OSBPL3: variants seen among roughly 807,000 people sequenced by gnomAD.
The protein encoded by OSBPL3 is oxysterol binding protein like 3.
A neutral mutation model predicts 120.1 loss-of-function variants in OSBPL3; 65 were observed. The observed-to-expected ratio is 0.54, with a 90% CI of 0.44 to 0.67. The LOEUF (loss-of-function observed/expected upper bound fraction) is 0.67, where lower values mean the gene tolerates loss of function less well. Ranked by LOEUF, OSBPL3 falls within the 30% of genes least tolerant of loss-of-function variation. The pLI, the probability that OSBPL3 is intolerant of heterozygous loss-of-function variation, is 0.00. For missense variants in OSBPL3, 1,004 were observed against 1,082.1 expected, an observed-to-expected ratio of 0.93 and a Z score of 1.01; for synonymous variants, 416 against 402.6, an observed-to-expected ratio of 1.03 and a Z score of -0.40.
chr7:24,940,527 A>G lies in OSBPL3; in HGVS notation c.-150+39359T>C, dbSNP rs373411007. 2.4e-4 allele frequency among the ~76,000 whole-genome samples: 36 copies of G among 152,276 alleles called. No homozygotes were observed. In the East Asian group the frequency reaches 3.1e-3, roughly 13 times the overall value. On this transcript the variant is annotated intron_variant, in intron 1 of 22. Transcript: ENST00000313367. This position sits in a 1 kb window ranked among gnomAD's most constrained non-coding sequence, Gnocchi z 4.4. ...GTCTGAAGAAAAGGTTTAGTGAGAG[A>G]AAGCAGATGGGAAAGACAGGGGCCG...
At chr7:24,814,955 G>T in intron 19 of OSBPL3, 104 bp downstream of exon 19, 1 of 1,057,570 alleles carries the variant, frequency 9.5e-7, no homozygotes, top group Non-Finnish European at 1.4e-6. Flanking sequence ...TTGCCTGCTG[G>T]CATAAAGGTG....
intron 19 of OSBPL3, among the ~76,000 whole-genome samples, chr7:24,812,790 G>C (rs1185383026): frequency 6.6e-6 from 1 of 152,106 alleles, no homozygotes; most frequent in Non-Finnish European, 1.5e-5. Context: ...TCTCAGACCT[G>C]AATTAGAAAT....
rs1252124733 is a variant in OSBPL3, at chr7:24,797,503, T to C, written c.*2680A>G. ...CATTGAGGCTTTTATTATTAATACCTATGACTCAAGGAATACCAGCCTTGG... is the reference window on the plus strand; with the variant it reads ...CATTGAGGCTTTTATTATTAATACCCATGACTCAAGGAATACCAGCCTTGG... On this transcript the variant is annotated 3_prime_UTR_variant, in exon 23 of 23. Transcript: ENST00000313367. The surrounding 1 kb of genome is among the most constrained non-coding windows in gnomAD (Gnocchi z 4.8). 2 of 152,108 alleles carry C rather than the reference T, an allele frequency of 1.3e-5. No individual in the cohort carries two copies. Among genetic ancestry groups the C allele is most frequent in the Non-Finnish European group, 2.9e-5 (2 of 68,046 alleles). 9.4% of individuals were successfully genotyped at this position (152,108 alleles called of 1,614,324 possible).
intron 1 of OSBPL3, among the ~76,000 whole-genome samples, chr7:24,901,318 C>CT (rs1806988440): frequency 6.6e-6 from 1 of 151,698 alleles, no homozygotes; most frequent in African/African-American, 2.4e-5. Context: ...CGCCACTGTA[C>CT]TCCAGCCTGG....
chr7:24,874,255 G>A (rs11770911), intron 2 of OSBPL3, among the ~76,000 whole-genome samples: 35,731 of 152,062 alleles, frequency 0.23, 4,269 homozygotes, highest in Non-Finnish European at 0.25. Context: ...TGTGGGTATC[G>A]TCATTGTTAA....
intron 14 of OSBPL3, among the ~76,000 whole-genome samples, chr7:24,839,890 C>T (rs1189587835): frequency 6.9e-6 from 1 of 145,258 alleles, no homozygotes; most frequent in Non-Finnish European, 1.5e-5. Flanking sequence ...ACTCCAGAGG[C>T]TAAGGCAGGA....
At chr7:24,846,444 G>GTATT (rs1798456956) in intron 12 of OSBPL3, among the ~76,000 whole-genome samples, 1 of 152,152 alleles carries the variant, frequency 6.6e-6, no homozygotes, top group Non-Finnish European at 1.5e-5. Flanking sequence ...GTATTCAAAT[G>GTATT]CATGCCGATA....
chr7:24,828,007 C>T (rs1237682525), intron 16 of OSBPL3, among the ~76,000 whole-genome samples: 1 of 152,140 alleles, frequency 6.6e-6, no homozygotes, highest in Non-Finnish European at 1.5e-5. Flanking sequence ...TCTGCCTTGT[C>T]AACACTCCTC....
In OSBPL3 at chr7:24,842,265, A is replaced by G. The variant is rs1400566425; in HGVS notation, c.1401+14T>C. ...GAGATTTTTGAGGCACCATACTGTA[A>G]ACATTGCTCAAACCTCGTTTTCTGA... On this transcript the variant is annotated intron_variant, in intron 13 of 22. Transcript: ENST00000313367. 1.9e-6 allele frequency: 3 copies of G among 1,611,798 alleles called. No individual in the cohort carries two copies. The highest frequency in any genetic ancestry group is 1.7e-6 in the Non-Finnish European group (2 of 1,179,574).
chr7:24,892,542 A>C lies in OSBPL3; in HGVS notation c.-70T>G. 12 of 1,568,872 alleles carry C rather than the reference A, an allele frequency of 7.6e-6. No individual in the cohort carries two copies. The highest frequency in any genetic ancestry group is 9.6e-6 in the Non-Finnish European group (11 of 1,148,062). On this transcript the variant is annotated 5_prime_UTR_variant, in exon 2 of 23. Coordinates refer to ENST00000313367, the MANE Select transcript of OSBPL3 (RefSeq NM_015550.4). The stretch of plus-strand genomic sequence containing the variant: ...ATGACAAGGGAGCCGAGAGTATGGA[A>C]GTCCCCAGTGGCAGGTGGTTTAGCT...
At chr7:24,885,038 C>A (rs1287802960) in intron 2 of OSBPL3, among the ~76,000 whole-genome samples, 1 of 151,940 alleles carries the variant, frequency 6.6e-6, no homozygotes, top group Non-Finnish European at 1.5e-5. Flanking sequence ...AATCCCAGCA[C>A]TTTGGTAGGC....
chr7:24,872,873 C>T lies in OSBPL3; in HGVS notation c.97-804G>A, dbSNP rs562558645. 2.6e-3 allele frequency among the ~76,000 whole-genome samples: 396 copies of T among 152,142 alleles called. 1 individual carries two copies. In the Middle Eastern group the frequency reaches 0.027, roughly 10 times the overall value. ...ACTTTTAAATACTTAAAAATAAATA[C>T]ATCATTGCTAATCACCCCAAGATAA... On this transcript the variant is annotated intron_variant, in intron 2 of 22. Coordinates refer to ENST00000313367, the MANE Select transcript of OSBPL3 (RefSeq NM_015550.4). The surrounding 1 kb of genome is among the most constrained non-coding windows in gnomAD (Gnocchi z 4.1).
At chr7:24,893,264 T>C (rs1383608474) in intron 1 of OSBPL3, among the ~76,000 whole-genome samples, 2 of 152,230 alleles carry the variant, frequency 1.3e-5, no homozygotes, top group African/African-American at 2.4e-5. Context: ...AAATCTCATA[T>C]ATACATTCAA....
rs1803332641 is a variant in OSBPL3, at chr7:24,879,438, C to CCCTTCTTTCCCT, written c.97-7370_97-7369insAGGGAAAGAAGG. Among the ~76,000 whole-genome samples the CCCTTCTTTCCCT allele has an allele frequency of 1.3e-5, 2 of 152,224 alleles. No individual in the cohort carries two copies. Among genetic ancestry groups the CCCTTCTTTCCCT allele is most frequent in the Admixed American group, 1.3e-4 (2 of 15,280 alleles). On this transcript the variant is annotated intron_variant, in intron 2 of 22. Coordinates refer to ENST00000313367, the MANE Select transcript of OSBPL3 (RefSeq NM_015550.4). The surrounding 1 kb of genome is among the most constrained non-coding windows in gnomAD (Gnocchi z 5.6). ...TCTTTCCCTTCACACACAGATGTAG[C>CCCTTCTTTCCCT]TCTCCAACCTCAGGCCAGAGCTAGG...
intron 10 of OSBPL3, among the ~76,000 whole-genome samples, chr7:24,857,667 ATTTACAATGTT>A (rs1322841175): frequency 6.6e-6 from 1 of 152,172 alleles, no homozygotes; most frequent in Non-Finnish European, 1.5e-5. Flanking sequence ...AAGGCTTATT[ATTTACAATGTT>A]TTTTAAAGTA....
chr7:24,899,505 CAT>C lies in OSBPL3; in HGVS notation c.-149-6886_-149-6885del, dbSNP rs1450532110. 2.6e-5 allele frequency among the ~76,000 whole-genome samples: 4 copies of C among 152,274 alleles called. No homozygotes were observed. The highest frequency in any genetic ancestry group is 6.5e-5 in the Admixed American group (1 of 15,292). On this transcript the variant is annotated intron_variant, in intron 1 of 22. Transcript: ENST00000313367. The surrounding 1 kb of genome is among the most constrained non-coding windows in gnomAD (Gnocchi z 4.0). Reference sequence around the variant, plus strand: ...CATTATAATCATTATTAAATTATCACATGTTAATTTTGACCCATGTCAAGATA... The same window carrying C: ...CATTATAATCATTATTAAATTATCACGTTAATTTTGACCCATGTCAAGATA...
Position 24,968,686 on chromosome 7 carries a change from G to A in OSBPL3, c.-150+11200C>T, listed in dbSNP as rs1007860984. Among the ~76,000 whole-genome samples the A allele has an allele frequency of 5.9e-5, 9 of 152,136 alleles. No homozygotes were observed. The highest frequency in any genetic ancestry group is 5.8e-4 in the East Asian group (3 of 5,200). On this transcript the variant is annotated intron_variant, in intron 1 of 22. Transcript: ENST00000313367. The surrounding 1 kb of genome is among the most constrained non-coding windows in gnomAD (Gnocchi z 4.6). ...TGCTAGGATTACAGGTGTGAGCCAC[G>A]GCGCCAGCCTCAGCCCACCAATTTT...
intron 1 of OSBPL3, among the ~76,000 whole-genome samples, chr7:24,944,330 GT>G (rs1483933478): frequency 2.0e-5 from 3 of 152,060 alleles, no homozygotes; most frequent in Non-Finnish European, 4.4e-5. Context: ...AACTCCAAGT[GT>G]TAAAAATGCC....
rs879810516 is a variant in OSBPL3 at position 24,904,705 on chromosome 7, G to A, written c.-149-12084C>T. On this transcript the variant is annotated intron_variant, in intron 1 of 22. Coordinates refer to ENST00000313367, the MANE Select transcript of OSBPL3 (RefSeq NM_015550.4). ...GAAATCTTACAATGGGCAATAACATGGATGACTCTGGAAGACATTACGCTA... is the reference window on the plus strand; with the variant it reads ...GAAATCTTACAATGGGCAATAACATAGATGACTCTGGAAGACATTACGCTA... 1.2e-4 allele frequency among the ~76,000 whole-genome samples: 18 copies of A among 152,118 alleles called. 1 individual carries two copies. The highest frequency in any genetic ancestry group is 5.2e-4 in the Admixed American group (8 of 15,282).
Sources: gnomAD v4.1 joint callset for allele counts (sites outside exome capture counted in the v4.1 genomes callset) on GRCh38, gnomAD v4.1.1 for gene constraint, Gnocchi (gnomAD v3.1) non-coding constraint, MANE v1.5 for transcripts, NCBI Gene and HGNC (gene_info 2026-07-23, HGNC 2026-07-21) for gene names.